Variants in PXDNL observed in about 807,000 individuals in gnomAD.
PXDNL encodes the protein peroxidasin like.
A neutral mutation model predicts 150.8 loss-of-function variants in PXDNL; 145 were observed. That is an observed-to-expected ratio of 0.96 (90% CI 0.84 to 1.10). The LOEUF (loss-of-function observed/expected upper bound fraction) is 1.10, where lower values mean the gene tolerates loss of function less well. PXDNL is among the 50% of genes least tolerant of loss of function. PXDNL has a pLI of 0.00. For missense variants in PXDNL, 2,087 were observed against 1,873.9 expected (o/e 1.11, Z -2.10); for synonymous variants, 757 against 725.7 (o/e 1.04, Z -0.69).
chr8:51,574,420 G>T (rs966224198), intron 3 of PXDNL, among the ~76,000 whole-genome samples: 5 of 151,674 alleles, frequency 3.3e-5, no homozygotes, highest in Non-Finnish European at 5.9e-5. Flanking sequence ...TCAGGGACTT[G>T]TGTGACCATA....
At chr8:51,488,977 C>G (rs1447246664) in intron 5 of PXDNL, among the ~76,000 whole-genome samples, 1 of 151,914 alleles carries the variant, frequency 6.6e-6, no homozygotes, top group African/African-American at 2.4e-5. Context: ...GAAGACAAAT[C>G]GGAAACAAGA....
intron 1 of PXDNL, among the ~76,000 whole-genome samples, chr8:51,669,061 A>C (rs1815446509): frequency 2.0e-5 from 3 of 152,230 alleles, no homozygotes; most frequent in Admixed American, 2.0e-4. Context: ...TATGATAAAT[A>C]AATCAATGAA....
chr8:51,676,040 C>T (rs1359977511), intron 1 of PXDNL, among the ~76,000 whole-genome samples: 8 of 152,166 alleles, frequency 5.3e-5, no homozygotes, highest in Non-Finnish European at 1.5e-5. Context: ...CAGCTCTAAG[C>T]TTTTGTTCCT....
intron 1 of PXDNL, among the ~76,000 whole-genome samples, chr8:51,782,884 A>G (rs529804802): frequency 6.6e-6 from 1 of 152,344 alleles, no homozygotes; most frequent in East Asian, 1.9e-4. Context: ...CTGTTTCCTT[A>G]CTGAGCATTC....
chr8:51,468,277 T>A (rs1042392866), intron 8 of PXDNL, among the ~76,000 whole-genome samples: 3 of 151,986 alleles, frequency 2.0e-5, no homozygotes, highest in Non-Finnish European at 2.9e-5. Context: ...TCCTTATAAT[T>A]CTCTCAATCT....
intron 1 of PXDNL, among the ~76,000 whole-genome samples, chr8:51,724,362 G>A (rs1052432252): frequency 6.6e-6 from 1 of 152,090 alleles, no homozygotes; most frequent in Admixed American, 6.5e-5. Context: ...AAGCACACCC[G>A]GGGCTGCTGG....
chr8:51,422,497 A>T (rs537478961), intron 14 of PXDNL, among the ~76,000 whole-genome samples: 1 of 152,330 alleles, frequency 6.6e-6, no homozygotes, highest in East Asian at 1.9e-4. Context: ...TGAGTTGATA[A>T]GCTAAATCTA....
intron 12 of PXDNL, chr8:51,436,172 G>A: frequency 3.9e-6 from 2 of 517,566 alleles, no homozygotes; most frequent in Non-Finnish European, 7.8e-6. Context: ...CAGATCTTTA[G>A]TACACCGTGG....
At chr8:51,760,636 G>T (rs997058444) in intron 1 of PXDNL, among the ~76,000 whole-genome samples, 2 of 152,066 alleles carry the variant, frequency 1.3e-5, no homozygotes, top group African/African-American at 4.8e-5. Flanking sequence ...ATATGAACTG[G>T]TGGCATTTTA....
chr8:51,347,039 A>G (rs1448014063), intron 19 of PXDNL, among the ~76,000 whole-genome samples: 1 of 152,226 alleles, frequency 6.6e-6, no homozygotes, highest in Non-Finnish European at 1.5e-5. Context: ...ACTACTATAT[A>G]TGAAGTTCAA....
At position 51,447,164 on chromosome 8, in the gene PXDNL, T is replaced by A; in HGVS notation, c.1367-2A>T. Reference sequence around the variant, plus strand: ...GGCCTTCCACAGGGAGCTGCCCTCCTGCAAAAAGAGGTAAAGAAAGTATTC... The same window carrying A: ...GGCCTTCCACAGGGAGCTGCCCTCCAGCAAAAAGAGGTAAAGAAAGTATTC... On this transcript the variant is annotated splice_acceptor_variant, in intron 11 of 22. Transcript: ENST00000356297. LOFTEE classifies it high-confidence loss of function. 1 of 1,611,298 alleles carries A rather than the reference T, an allele frequency of 6.2e-7. No homozygotes were observed. Among genetic ancestry groups the A allele is most frequent in the Non-Finnish European group, 8.5e-7 (1 of 1,178,914 alleles).
At chr8:51,491,035 G>A (rs140583415) in intron 5 of PXDNL, among the ~76,000 whole-genome samples, 46 of 152,096 alleles carry the variant, frequency 3.0e-4, no homozygotes, top group Middle Eastern at 3.4e-3. Flanking sequence ...AGCTGCCGGC[G>A]TGGCCAGAAT....
At chr8:51,759,863 T>C (rs573730143) in intron 1 of PXDNL, among the ~76,000 whole-genome samples, 31 of 152,338 alleles carry the variant, frequency 2.0e-4, no homozygotes, top group Admixed American at 1.6e-3. Context: ...CAAGGATGAA[T>C]TGGCCAAGGC....
At chr8:51,441,976 C>CA (rs1199022211) in intron 12 of PXDNL, among the ~76,000 whole-genome samples, 1 of 152,040 alleles carries the variant, frequency 6.6e-6, no homozygotes, top group Non-Finnish European at 1.5e-5. Flanking sequence ...CACAAAGCAA[C>CA]AGAAGGAGAG....
chr8:51,592,786 C>T, intron 2 of PXDNL, 88 bp from the exon 3 acceptor site: 1 of 852,768 alleles, frequency 1.2e-6, no homozygotes, highest in African/African-American at 1.8e-5. Context: ...TAGTGCTTTA[C>T]ACAACAGAAA....
intron 1 of PXDNL, among the ~76,000 whole-genome samples, chr8:51,725,260 C>A (rs10107005): frequency 1.3e-5 from 2 of 152,242 alleles, no homozygotes; most frequent in East Asian, 3.9e-4. Flanking sequence ...GCACCATGTC[C>A]GTCGATCACA....
At chr8:51,609,316 A>AT (rs1813945797) in intron 2 of PXDNL, among the ~76,000 whole-genome samples, 1 of 152,230 alleles carries the variant, frequency 6.6e-6, no homozygotes, top group African/African-American at 2.4e-5. Context: ...TCAAGTGGTA[A>AT]TTTATAGAGT....
chr8:51,481,126 A>T (rs1378433078), intron 6 of PXDNL, among the ~76,000 whole-genome samples: 13 of 152,200 alleles, frequency 8.5e-5, no homozygotes, highest in Non-Finnish European at 1.8e-4. Context: ...CTCAGAAGAC[A>T]GGCAGATGTG....
intron 12 of PXDNL, among the ~76,000 whole-genome samples, chr8:51,433,744 T>C (rs188601738): frequency 6.6e-5 from 10 of 152,314 alleles, no homozygotes; most frequent in Non-Finnish European, 8.8e-5. Flanking sequence ...GTGGCATTTA[T>C]ACTTACGAGC....
Sources: gnomAD v4.1 joint callset for allele counts (sites outside exome capture counted in the v4.1 genomes callset) on GRCh38, gnomAD v4.1.1 for gene constraint, MANE v1.5 for transcripts, NCBI Gene and HGNC (gene_info 2026-07-23, HGNC 2026-07-21) for gene names.